The following DPYD variants were observed in gnomAD, a reference collection of about 807,000 sequenced individuals.
DPYD encodes the protein dihydropyrimidine dehydrogenase [NADP(+)].
A neutral mutation model predicts 116.2 loss-of-function variants in DPYD; 109 were observed. The ratio of observed to expected loss-of-function variants is 0.94; its 90% confidence interval spans 0.80 to 1.10. The LOEUF (loss-of-function observed/expected upper bound fraction) is 1.10, where lower values mean the gene tolerates loss of function less well. Ranked by LOEUF, DPYD falls within the 50% of genes least tolerant of loss-of-function variation. DPYD has a pLI of 0.00. For missense variants in DPYD, 1,302 were observed against 1,254.5 expected (o/e 1.04, Z -0.57); for synonymous variants, 440 against 432.0 (o/e 1.02, Z -0.23).
chr1:97,422,986 T>C (rs184388342), intron 14 of DPYD, among the ~76,000 whole-genome samples: 1 of 152,122 alleles, frequency 6.6e-6, no homozygotes, highest in Non-Finnish European at 1.5e-5. Flanking sequence ...AATGACTCAA[T>C]TCAAGTAAGG....
chr1:97,391,188 T>C (rs1672683700), intron 14 of DPYD, among the ~76,000 whole-genome samples: 1 of 151,774 alleles, frequency 6.6e-6, no homozygotes, highest in Non-Finnish European at 1.5e-5. Flanking sequence ...TGACTGTAAA[T>C]AATATCTATT....
intron 19 of DPYD, among the ~76,000 whole-genome samples, chr1:97,222,223 G>GA (rs1660824316): frequency 6.6e-6 from 1 of 152,054 alleles, no homozygotes; most frequent in Non-Finnish European, 1.5e-5. Context: ...AATTCAAATA[G>GA]GAACGGACAG....
intron 19 of DPYD, among the ~76,000 whole-genome samples, chr1:97,232,529 T>C (rs1321685876): frequency 2.0e-5 from 3 of 152,122 alleles, no homozygotes; most frequent in Admixed American, 1.3e-4. Flanking sequence ...AGGACATTAG[T>C]GTTACATCTT....
rs973005761 is a variant in DPYD, at chr1:97,142,554, T to G, written c.2623-43922A>C. On this transcript the variant is annotated intron_variant, in intron 20 of 22. Transcript: ENST00000370192. ...CAGCTCATTCTTTGGAAAGCATATC[T>G]CCGTCAGATTTCATTCTTCATACTT... Among the ~76,000 whole-genome samples, 86 of 152,284 alleles carry G rather than the reference T, an allele frequency of 5.6e-4. 2 individuals are homozygous for G. Among genetic ancestry groups the G allele is most frequent in the African/African-American group, 2.0e-3 (84 of 41,590 alleles).
intron 2 of DPYD, among the ~76,000 whole-genome samples, chr1:97,878,364 C>A (rs1672024590): frequency 6.6e-6 from 1 of 151,924 alleles, no homozygotes; most frequent in South Asian, 2.1e-4. Flanking sequence ...ACACACTCTT[C>A]CTGGGTAACT....
intron 16 of DPYD, among the ~76,000 whole-genome samples, chr1:97,365,735 C>T (rs750058127): frequency 6.6e-6 from 1 of 152,100 alleles, no homozygotes; most frequent in Non-Finnish European, 1.5e-5. Flanking sequence ...TCAAGTGATC[C>T]TCCCACCTCA....
rs546104123 is a variant in DPYD at position 97,173,247 on chromosome 1, T to C, written c.2622+19822A>G. On this transcript the variant is annotated intron_variant, in intron 20 of 22. Coordinates refer to ENST00000370192, the MANE Select transcript of DPYD (RefSeq NM_000110.4). Reference sequence around the variant, plus strand: ...GTACATATATGCGCACACATATATGTACATATATGCACACATATGTACATA... The same window carrying C: ...GTACATATATGCGCACACATATATGCACATATATGCACACATATGTACATA... Among the ~76,000 whole-genome samples the C allele has an allele frequency of 2.9e-4, 36 of 123,842 alleles. No homozygotes were observed. The South Asian group carries it at 4.7e-3, about 16-fold the overall frequency. 81.2% of individuals were successfully genotyped at this position (123,842 alleles called of 152,430 possible). A position where few individuals can be genotyped will look rare whatever the true frequency, so the allele number is the denominator to read the frequency against.
At chr1:97,397,461 T>A (rs1044448448) in intron 14 of DPYD, among the ~76,000 whole-genome samples, 3 of 152,068 alleles carry the variant, frequency 2.0e-5, no homozygotes, top group African/African-American at 7.2e-5. Flanking sequence ...ATCCATTGTT[T>A]TAGTATCATA....
chr1:97,318,700 G>C (rs1050965116), intron 16 of DPYD, among the ~76,000 whole-genome samples: 1 of 150,136 alleles, frequency 6.7e-6, no homozygotes, highest in Non-Finnish European at 1.5e-5. Context: ...AGGATACCCA[G>C]GAATTGAACT....
chr1:97,504,200 T>C (rs1325039862), intron 13 of DPYD, among the ~76,000 whole-genome samples: 3 of 152,008 alleles, frequency 2.0e-5, no homozygotes, highest in Admixed American at 2.0e-4. Flanking sequence ...GCACTTTATA[T>C]GTGTTCCCCG....
intron 20 of DPYD, among the ~76,000 whole-genome samples, chr1:97,120,760 C>T (rs569800348): frequency 1.3e-5 from 2 of 152,232 alleles, no homozygotes; most frequent in South Asian, 2.1e-4. Context: ...AAGTACAAAG[C>T]TTCTTTTGCA....
At position 97,911,885 on chromosome 1, in the gene DPYD, G is replaced by A. The variant is rs149270218; in HGVS notation, c.39+8999C>T. ...AATGTTCCATCCAAGATAACAACCT[G>A]AGGTCCAACCTTACTCTTCCTTTTC... On this transcript the variant is annotated intron_variant, in intron 1 of 22. Coordinates refer to ENST00000370192, the MANE Select transcript of DPYD (RefSeq NM_000110.4). Among the ~76,000 whole-genome samples the A allele has an allele frequency of 2.4e-4, 37 of 152,110 alleles. No individual in the cohort carries two copies. In the East Asian group the frequency reaches 4.5e-3, roughly 18 times the overall value.
intron 11 of DPYD, among the ~76,000 whole-genome samples, chr1:97,552,048 A>T (rs1247751735): frequency 6.6e-6 from 1 of 152,070 alleles, no homozygotes; most frequent in African/African-American, 2.4e-5. Flanking sequence ...TTTGGTATCC[A>T]TGGGGGATCC....
chr1:97,316,557 A>AAAATAAAATAAAATAAAATC, intron 16 of DPYD, among the ~76,000 whole-genome samples: 1 of 142,902 alleles, frequency 7.0e-6, no homozygotes, highest in Non-Finnish European at 1.6e-5. Context: ...AAAATAAAAT[A>AAAATAAAATAAAATAAAATC]AAATATCATT....
intron 12 of DPYD, among the ~76,000 whole-genome samples, chr1:97,521,771 T>C (rs927407600): frequency 6.6e-6 from 1 of 152,166 alleles, no homozygotes; most frequent in Non-Finnish European, 1.5e-5. Context: ...TACAAATATC[T>C]GATCTTTGAC....
chr1:97,711,862 T>C (rs1662304503), intron 5 of DPYD, among the ~76,000 whole-genome samples: 1 of 152,002 alleles, frequency 6.6e-6, no homozygotes. Flanking sequence ...CTGGGATCAA[T>C]ATTTAATTAT....
At chr1:97,710,876 A>T (rs955539279) in intron 5 of DPYD, among the ~76,000 whole-genome samples, 1 of 151,826 alleles carries the variant, frequency 6.6e-6, no homozygotes, top group African/African-American at 2.4e-5. Context: ...AGGTAAACCC[A>T]CCTGAAAGAG....
chr1:97,920,525 G>A (rs1445524224), intron 1 of DPYD, among the ~76,000 whole-genome samples: 1 of 152,202 alleles, frequency 6.6e-6, no homozygotes, highest in African/African-American at 2.4e-5. Context: ...GGTAGAACGT[G>A]TGGGAAATGG....
At chr1:97,469,932 T>C (rs964480145) in intron 13 of DPYD, among the ~76,000 whole-genome samples, 2 of 152,164 alleles carry the variant, frequency 1.3e-5, no homozygotes, top group Admixed American at 6.5e-5. Flanking sequence ...TCCTAATATA[T>C]AAAAGCCCTC....
Sources: allele counts gnomAD v4.1 joint callset (sites outside exome capture counted in the v4.1 genomes callset), GRCh38; gene constraint gnomAD v4.1.1; transcripts MANE v1.5; gene names NCBI Gene and HGNC (gene_info 2026-07-23, HGNC 2026-07-21).